The following TENM2 variants were observed in gnomAD, a reference collection of about 807,000 sequenced individuals.
The protein encoded by TENM2 is teneurin transmembrane protein 2, also known as teneurin-2.
In TENM2, 52 loss-of-function variants were observed where a neutral mutation model predicts 245.2. That is an observed-to-expected ratio of 0.21 (90% CI 0.17 to 0.27). The LOEUF is 0.27. TENM2 is among the 10% of genes least tolerant of loss of function. The pLI, the probability that TENM2 is intolerant of heterozygous loss-of-function variation, is 1.00. For synonymous variants in TENM2, 1,363 were observed against 1,438.9 expected (o/e 0.95, Z 1.19); for missense variants, 3,046 against 3,666.8 (o/e 0.83, Z 4.37).
chr5:167,773,989 T>C (rs888528235), intron 2 of TENM2, among the ~76,000 whole-genome samples: 23 of 152,082 alleles, frequency 1.5e-4, no homozygotes, highest in African/African-American at 5.6e-4. Context: ...TTCTCGACTG[T>C]GATTCAAGCA....
intron 1 of TENM2, among the ~76,000 whole-genome samples, chr5:167,299,669 T>C (rs1755189815): frequency 6.6e-6 from 1 of 152,086 alleles, no homozygotes; most frequent in Admixed American, 6.6e-5. Flanking sequence ...CTGGTGGAAC[T>C]GCCATCAATA....
chr5:167,843,301 G>A (rs1490229608), intron 2 of TENM2, among the ~76,000 whole-genome samples: 2 of 144,610 alleles, frequency 1.4e-5, no homozygotes, highest in Non-Finnish European at 3.1e-5. Flanking sequence ...GGACGTTTTT[G>A]TTTGCTTGTG....
In TENM2 at chr5:168,218,895, A is replaced by G. The variant is rs1188285097; in HGVS notation, c.5004A>G (p.Lys1668=). The G allele has an allele frequency of 3.1e-6, 5 of 1,613,910 alleles. No homozygotes were observed. The African/African-American group carries it at 6.7e-5, about 22-fold the overall frequency. The change falls in exon 23 of 29, where the codon AAA becomes AAG. Residue 1668 remains lysine, a synonymous_variant. Transcript: ENST00000518659. The surrounding 1 kb of genome is among the most constrained non-coding windows in gnomAD (Gnocchi z 5.2). ...CCGTGGGCACCAATGGAGGCCTCAA[A>G]GTCGTGTCCACACAGAACCTGGAGC...
intron 2 of TENM2, among the ~76,000 whole-genome samples, chr5:167,815,817 G>A (rs147427042): frequency 5.3e-5 from 8 of 151,526 alleles, no homozygotes; most frequent in African/African-American, 1.9e-4. Context: ...TAGATGAGAG[G>A]GATGCTAATG....
chr5:167,154,836 A>G, the TENM2 span, among the ~76,000 whole-genome samples: 4 of 152,238 alleles, frequency 2.6e-5, no homozygotes. Context: ...AAAGTGAAGT[A>G]CTACATATAA....
At chr5:167,323,888 G>A (rs773469406) in intron 1 of TENM2, among the ~76,000 whole-genome samples, 3 of 152,122 alleles carry the variant, frequency 2.0e-5, no homozygotes, top group African/African-American at 7.2e-5. Flanking sequence ...CCTCCCCAAG[G>A]CTTACTGAAT....
chr5:167,698,098 T>C (rs1757887102), intron 2 of TENM2, among the ~76,000 whole-genome samples: 1 of 152,206 alleles, frequency 6.6e-6, no homozygotes, highest in Non-Finnish European at 1.5e-5. Flanking sequence ...CCTTTACTCA[T>C]TGTATGCACT....
At chr5:167,857,308 C>T (rs1771181148) in intron 2 of TENM2, among the ~76,000 whole-genome samples, 1 of 152,192 alleles carries the variant, frequency 6.6e-6, no homozygotes, top group Admixed American at 6.5e-5. Context: ...TTCTGTTTTT[C>T]ATAGGACATG....
the TENM2 span, among the ~76,000 whole-genome samples, chr5:167,129,916 T>C: frequency 1.1e-4 from 16 of 152,268 alleles, no homozygotes; most frequent in South Asian, 3.1e-3. Context: ...TTAATGTAGC[T>C]GGAGTTCATA....
At chr5:167,461,521 G>C (rs568264683) in intron 2 of TENM2, among the ~76,000 whole-genome samples, 1 of 152,212 alleles carries the variant, frequency 6.6e-6, no homozygotes, top group South Asian at 2.1e-4. Context: ...CAACGTGCTG[G>C]TTACCTCCCG....
intron 3 of TENM2, among the ~76,000 whole-genome samples, chr5:167,914,803 T>C (rs2151600117): frequency 6.6e-6 from 1 of 152,234 alleles, no homozygotes; most frequent in East Asian, 1.9e-4. Flanking sequence ...AACACCTCAC[T>C]CTCTCTCTGC....
intron 2 of TENM2, among the ~76,000 whole-genome samples, chr5:167,426,615 TTAAC>T (rs1252595659): frequency 3.3e-5 from 5 of 152,108 alleles, no homozygotes; most frequent in Admixed American, 2.6e-4. Flanking sequence ...TGCTTCTTTC[TTAAC>T]TGTTTTGGTG....
chr5:168,217,601 A>G (rs989679573), intron 22 of TENM2, among the ~76,000 whole-genome samples: 2 of 152,176 alleles, frequency 1.3e-5, no homozygotes, highest in Non-Finnish European at 2.9e-5. Context: ...GGTTCCGTTT[A>G]TTTTTTAAAG....
intron 7 of TENM2, among the ~76,000 whole-genome samples, chr5:168,071,897 A>G (rs1268489963): frequency 6.6e-6 from 1 of 152,204 alleles, no homozygotes; most frequent in Non-Finnish European, 1.5e-5. Flanking sequence ...TTTGGGTATG[A>G]GAGAGCAGAA....
rs558866888 is a variant in TENM2, at chr5:167,865,636, T to TCG, written c.503-10346_503-10345dup. 9.2e-5 allele frequency among the ~76,000 whole-genome samples: 14 copies of TCG among 152,150 alleles called. No individual in the cohort carries two copies. The South Asian group carries it at 2.9e-3, about 32-fold the overall frequency. On this transcript the variant is annotated intron_variant, in intron 2 of 28. Transcript: ENST00000518659. Reference sequence around the variant, plus strand: ...CTGAAAATTAACCAAAAAAATGTGGTCGCGCTACCATGCCTGAAAATCCCT... The same window carrying TCG: ...CTGAAAATTAACCAAAAAAATGTGGTCGCGCGCTACCATGCCTGAAAATCCCT...
At chr5:167,502,160 T>C (rs1015502852) in intron 2 of TENM2, among the ~76,000 whole-genome samples, 7 of 152,216 alleles carry the variant, frequency 4.6e-5, no homozygotes, top group African/African-American at 1.7e-4. Flanking sequence ...CAAGACGGGA[T>C]AGAGTTTGTG....
At chr5:167,499,470 T>C (rs2127554206) in intron 2 of TENM2, among the ~76,000 whole-genome samples, 1 of 152,218 alleles carries the variant, frequency 6.6e-6, no homozygotes, top group Non-Finnish European at 1.5e-5. Flanking sequence ...TAGAAGTTGC[T>C]CCATTGTAGG....
the TENM2 span, among the ~76,000 whole-genome samples, chr5:167,017,734 T>A: frequency 6.6e-6 from 1 of 152,220 alleles, no homozygotes; most frequent in African/African-American, 2.4e-5. Context: ...TGGATTTTTT[T>A]AGTGTGAAAT....
At chr5:167,107,537 A>C in the TENM2 span, among the ~76,000 whole-genome samples, 8 of 152,198 alleles carry the variant, frequency 5.3e-5, no homozygotes, top group Non-Finnish European at 7.3e-5. Flanking sequence ...GCTTTACAAA[A>C]AATTTTTCTT....
Sources: gnomAD v4.1 joint callset for allele counts (sites outside exome capture counted in the v4.1 genomes callset) on GRCh38, gnomAD v4.1.1 for gene constraint, Gnocchi (gnomAD v3.1) non-coding constraint, MANE v1.5 for transcripts, NCBI Gene and HGNC (gene_info 2026-07-23, HGNC 2026-07-21) for gene names.